The following NOXRED1 variants were observed in gnomAD, a reference collection of about 807,000 sequenced individuals.
NOXRED1 encodes the protein NADP dependent oxidoreductase domain containing 1.
A neutral mutation model predicts 30.4 loss-of-function variants in NOXRED1; 20 were observed. That is an observed-to-expected ratio of 0.66 (90% CI 0.46 to 0.96). NOXRED1 has a LOEUF of 0.96. Ranked by LOEUF, NOXRED1 falls within the 40% of genes least tolerant of loss-of-function variation. NOXRED1 has a pLI of 0.00. For missense variants in NOXRED1, 374 were observed against 428.0 expected, an observed-to-expected ratio of 0.87 and a Z score of 1.11; for synonymous variants, 155 against 168.0, an observed-to-expected ratio of 0.92 and a Z score of 0.60.
intron 2 of NOXRED1, among the ~76,000 whole-genome samples, chr14:77,410,365 G>T (rs1218322241): frequency 1.3e-5 from 2 of 152,204 alleles, no homozygotes; most frequent in East Asian, 3.9e-4. Flanking sequence ...AGCACTTTGG[G>T]AGGCTAAGGC....
At chr14:77,406,524 TAAG>T (rs1894460962) in intron 4 of NOXRED1, 197 bp downstream of exon 4, 1 of 668,654 alleles carries the variant, frequency 1.5e-6, no homozygotes. Flanking sequence ...AATTTGTCCT[TAAG>T]AAGTCCAAAT....
At chr14:77,424,199 G>A (rs767693546), upstream of NOXRED1, among the ~76,000 whole-genome samples, 5 of 152,236 alleles carry the variant, frequency 3.3e-5, no homozygotes, top group Non-Finnish European at 4.4e-5. Context: ...GCCTGTAATC[G>A]CAGCACTTTG....
chr14:77,419,670 G>T (rs1354095659), intron 1 of NOXRED1, among the ~76,000 whole-genome samples: 1 of 150,918 alleles, frequency 6.6e-6, no homozygotes, highest in South Asian at 2.1e-4. Flanking sequence ...GGATGGTCTC[G>T]ATGTCCTGAC....
intron 1 of NOXRED1, among the ~76,000 whole-genome samples, chr14:77,416,363 T>G (rs1894819839): frequency 6.6e-6 from 1 of 152,168 alleles, no homozygotes; most frequent in Non-Finnish European, 1.5e-5. Flanking sequence ...TCCACAGTGT[T>G]TGTGTCCCTG....
At chr14:77,408,920 G>A (rs12436246) in intron 2 of NOXRED1, among the ~76,000 whole-genome samples, 1,466 of 5,920 alleles carry the variant, frequency 0.25, 61 homozygotes, top group Admixed American at 0.52. Context: ...TTTGGCTAGC[G>A]ATGGGATCTC....
At chr14:77,406,622 CACACACACACA>C (rs760442155) in intron 4 of NOXRED1, 91 bp downstream of exon 4, 2 of 880,390 alleles carry the variant, frequency 2.3e-6, no homozygotes, top group Non-Finnish European at 3.6e-6. Context: ...CACACACACA[CACACACACACA>C]CAGAGAGAGA....
At chr14:77,425,930 C>T (rs1447707173), upstream of NOXRED1, among the ~76,000 whole-genome samples, 2 of 152,258 alleles carry the variant, frequency 1.3e-5, no homozygotes, top group Non-Finnish European at 2.9e-5. Flanking sequence ...GAGCACAGAA[C>T]TCTACAAAAT....
intron 5 of NOXRED1, among the ~76,000 whole-genome samples, chr14:77,401,350 CAACAGAACAAG>C (rs1894323753): frequency 6.6e-6 from 1 of 151,196 alleles, no homozygotes; most frequent in African/African-American, 2.4e-5. Flanking sequence ...CCAGCATGGG[CAACAGAACAAG>C]ACTCCACCTC....
chr14:77,421,195 G>A (rs1251346685), intron 1 of NOXRED1, among the ~76,000 whole-genome samples: 1 of 152,184 alleles, frequency 6.6e-6, no homozygotes, highest in Non-Finnish European at 1.5e-5. Context: ...GATATCTTAG[G>A]TGAACTGCAA....
chr14:77,406,926 A>T, intron 3 of NOXRED1, 51 bp from the exon 4 acceptor site: 2 of 1,534,540 alleles, frequency 1.3e-6, no homozygotes, highest in Non-Finnish European at 1.8e-6. Context: ...GGAATAAATG[A>T]CGACATAACC....
intron 1 of NOXRED1, among the ~76,000 whole-genome samples, chr14:77,416,421 C>CT (rs1334205823): frequency 3.3e-5 from 5 of 152,110 alleles, no homozygotes; most frequent in African/African-American, 1.2e-4. Context: ...AGCATGCTGC[C>CT]TTCAAGCATC....
chr14:77,407,708 T>C, intron 2 of NOXRED1, 63 bp from the exon 3 acceptor site: 1 of 1,102,772 alleles, frequency 9.1e-7, no homozygotes, highest in Non-Finnish European at 1.4e-6. Context: ...GAACATCAAC[T>C]ATGGGGAGAG....
chr14:77,413,349 C>G (rs1223937045), intron 2 of NOXRED1, among the ~76,000 whole-genome samples: 1 of 151,736 alleles, frequency 6.6e-6, no homozygotes, highest in Non-Finnish European at 1.5e-5. Flanking sequence ...AGCAATTCTC[C>G]TGCGTCAGCC....
chr14:77,395,437 A>T (rs1005934542), intron 5 of NOXRED1, among the ~76,000 whole-genome samples: 3 of 152,070 alleles, frequency 2.0e-5, no homozygotes, highest in Admixed American at 6.6e-5. Flanking sequence ...TAGAAAGAAC[A>T]TATATAAGAT....
chr14:77,419,125 G>A (rs1201156712), intron 1 of NOXRED1, among the ~76,000 whole-genome samples: 3 of 148,284 alleles, frequency 2.0e-5, no homozygotes, highest in Non-Finnish European at 4.5e-5. Context: ...AGGCTGAAGT[G>A]CAGTGGTGCA....
intron 4 of NOXRED1, 86 bp downstream of exon 4, chr14:77,406,618 CACACACACACACACACAGAG>C (rs1894465456): frequency 9.3e-6 from 9 of 965,008 alleles, no homozygotes; most frequent in African/African-American, 2.0e-5. Context: ...CACACACACA[CACACACACACACACACAGAG>C]AGAGAGAGAT....
In NOXRED1 at chr14:77,420,906, A is replaced by G. The variant is rs947853377; in HGVS notation, c.155+1829T>C. ...CAATTAAAGAGTTTTGCCTGTTTCT[A>G]TTGCAGGGGCTGATAATCTTTTCCT... On this transcript the variant is annotated intron_variant, in intron 1 of 5. Transcript: ENST00000380835. 2.6e-5 allele frequency among the ~76,000 whole-genome samples: 4 copies of G among 152,120 alleles called. No individual in the cohort carries two copies. In the East Asian group the frequency reaches 5.8e-4, roughly 22 times the overall value.
chr14:77,410,054 C>T (rs897347939), intron 2 of NOXRED1, among the ~76,000 whole-genome samples: 1 of 151,894 alleles, frequency 6.6e-6, no homozygotes, highest in Admixed American at 6.6e-5. Context: ...GCAGCTGACT[C>T]AGTCTCTCAG....
rs550382724 is a variant in NOXRED1 at position 77,412,266 on chromosome 14, AT to A, written c.349+1667del. Among the ~76,000 whole-genome samples, 478 of 152,148 alleles carry A rather than the reference AT, an allele frequency of 3.1e-3. 3 individuals are homozygous for A. Among genetic ancestry groups the A allele is most frequent in the Middle Eastern group, 0.01 (3 of 294 alleles). ...GGGATATTATACAACCTTAAAATCT[AT>A]TTTTTTACATTAATCTCTTACTAAT... On this transcript the variant is annotated intron_variant, in intron 2 of 5. Transcript: ENST00000380835.
Sources: allele counts gnomAD v4.1 joint callset (sites outside exome capture counted in the v4.1 genomes callset), GRCh38; gene constraint gnomAD v4.1.1; transcripts MANE v1.5; gene names NCBI Gene and HGNC (gene_info 2026-07-23, HGNC 2026-07-21).